BNC2: variants seen among roughly 807,000 people sequenced by gnomAD.
The protein encoded by BNC2 is basonuclin zinc finger protein 2.
A neutral mutation model predicts 76.3 loss-of-function variants in BNC2; 20 were observed. The observed-to-expected ratio is 0.26, with a 90% CI of 0.18 to 0.38. BNC2 has a LOEUF of 0.38. Among genes scored for constraint, BNC2 ranks in the 10% least tolerant of loss-of-function variants. The pLI, the probability that BNC2 is intolerant of heterozygous loss-of-function variation, is 1.00. For synonymous variants in BNC2, 582 were observed against 514.8 expected, an observed-to-expected ratio of 1.13 and a Z score of -1.77; for missense variants, 1,382 against 1,399.8, an observed-to-expected ratio of 0.99 and a Z score of 0.20.
At chr9:16,552,961 TCC>T (rs1818710714) in intron 4 of BNC2, among the ~76,000 whole-genome samples, 196 bp from the exon 5 acceptor site, 1 of 152,176 alleles carries the variant, frequency 6.6e-6, no homozygotes, top group African/African-American at 2.4e-5. Context: ...CCCTTTTCTT[TCC>T]TATTTTTTTA....
At chr9:16,662,148 A>C (rs1321719039) in intron 3 of BNC2, among the ~76,000 whole-genome samples, 3 of 152,258 alleles carry the variant, frequency 2.0e-5, no homozygotes, top group Non-Finnish European at 4.4e-5. Flanking sequence ...AGGGGAAAAC[A>C]TTCACATATT....
intron 1 of BNC2, among the ~76,000 whole-genome samples, chr9:16,741,037 G>T (rs1824833098): frequency 6.6e-6 from 1 of 152,110 alleles, no homozygotes; most frequent in South Asian, 2.1e-4. Flanking sequence ...GGGTCTAACA[G>T]GGTGCTCAAT....
At chr9:16,756,395 T>C (rs1306998277) in intron 1 of BNC2, among the ~76,000 whole-genome samples, 3 of 152,192 alleles carry the variant, frequency 2.0e-5, no homozygotes, top group Admixed American at 6.5e-5. Flanking sequence ...GGATCTATCC[T>C]CCATTCCTCT....
chr9:16,835,823 T>A (rs1818693598), intron 1 of BNC2, among the ~76,000 whole-genome samples: 1 of 152,146 alleles, frequency 6.6e-6, no homozygotes, highest in African/African-American at 2.4e-5. Context: ...AAAAACAGAT[T>A]TAAGTTAAAG....
intron 3 of BNC2, among the ~76,000 whole-genome samples, chr9:16,711,289 T>C (rs1361073): frequency 0.12 from 18,255 of 152,150 alleles, 1,423 homozygotes; most frequent in South Asian, 0.24. Flanking sequence ...GGGGCGGTTG[T>C]TACAAAGATC....
At chr9:16,799,482 T>C (rs1052969494) in intron 1 of BNC2, among the ~76,000 whole-genome samples, 1 of 152,122 alleles carries the variant, frequency 6.6e-6, no homozygotes, top group Non-Finnish European at 1.5e-5. Flanking sequence ...ACCTGGCTAA[T>C]TTTTGTATTT....
intron 1 of BNC2, 115 bp downstream of exon 1, chr9:16,870,531 C>T (rs1438454675): frequency 3.0e-5 from 38 of 1,258,802 alleles, no homozygotes; most frequent in Non-Finnish European, 3.3e-5. Flanking sequence ...TTGCCCCTCA[C>T]GCCGCGGGCC....
intron 3 of BNC2, among the ~76,000 whole-genome samples, chr9:16,717,191 A>C (rs532543100): frequency 6.6e-6 from 1 of 152,222 alleles, no homozygotes; most frequent in African/African-American, 2.4e-5. Flanking sequence ...TTTTCTTCAA[A>C]CCATTTCTTA....
chr9:16,796,241 C>T (rs1283242547), intron 1 of BNC2, among the ~76,000 whole-genome samples: 1 of 152,142 alleles, frequency 6.6e-6, no homozygotes, highest in African/African-American at 2.4e-5. Context: ...GTTTTACATC[C>T]ATTTCTTTTC....
chr9:16,690,975 G>C (rs1329792180), intron 3 of BNC2, among the ~76,000 whole-genome samples: 1 of 152,142 alleles, frequency 6.6e-6, no homozygotes, highest in Non-Finnish European at 1.5e-5. Flanking sequence ...CCAAAGAACA[G>C]TGCCCTGGGC....
At chr9:16,865,559 G>A (rs1276538921) in intron 1 of BNC2, among the ~76,000 whole-genome samples, 1 of 152,030 alleles carries the variant, frequency 6.6e-6, no homozygotes, top group Non-Finnish European at 1.5e-5. Context: ...ATTTTTTGGT[G>A]CCCTTCTCAC....
At chr9:16,792,039 T>C (rs926540747) in intron 1 of BNC2, among the ~76,000 whole-genome samples, 60 of 151,086 alleles carry the variant, frequency 4.0e-4, no homozygotes, top group African/African-American at 1.4e-3. Context: ...GAGACGGAAG[T>C]TGCAAGGAGC....
intron 5 of BNC2, among the ~76,000 whole-genome samples, chr9:16,454,449 TGCCACCAC>T (rs1258621823): frequency 1.3e-5 from 2 of 152,150 alleles, no homozygotes; most frequent in East Asian, 3.9e-4. Context: ...TACAGGCATG[TGCCACCAC>T]ACCCAGCTAA....
Position 16,413,904 on chromosome 9 carries a change from TAATG to T in BNC2, c.*5081_*5084del, listed in dbSNP as rs1820527755. The T allele has an allele frequency of 6.6e-6, 1 of 152,132 alleles. No individual in the cohort carries two copies. The highest frequency in any genetic ancestry group is 1.5e-5 in the Non-Finnish European group (1 of 68,026). 9.4% of individuals were successfully genotyped at this position (152,132 alleles called of 1,614,324 possible). A position where few individuals can be genotyped will look rare whatever the true frequency, so the allele number is the denominator to read the frequency against. The stretch of plus-strand genomic sequence containing the variant: ...GTGTTGCTACAGTGGCAAGCATGAG[TAATG>T]ATCAAGAAAGGAACGATCCATGCTG... On this transcript the variant is annotated 3_prime_UTR_variant, in exon 7 of 7. Coordinates refer to ENST00000380672, the MANE Select transcript of BNC2 (RefSeq NM_017637.6).
chr9:16,525,394 G>C (rs976210351), intron 5 of BNC2, among the ~76,000 whole-genome samples: 5 of 152,018 alleles, frequency 3.3e-5, no homozygotes, highest in African/African-American at 1.2e-4. Flanking sequence ...ACAAAAAGGT[G>C]CTAAAAATGA....
chr9:16,445,424 A>G (rs1187672516), intron 5 of BNC2, among the ~76,000 whole-genome samples: 1 of 152,090 alleles, frequency 6.6e-6, no homozygotes, highest in Non-Finnish European at 1.5e-5. Context: ...CAACTGTAAT[A>G]TTTGTAGGCA....
chr9:16,555,831 A>C (rs929988915), intron 4 of BNC2, among the ~76,000 whole-genome samples: 8 of 140,924 alleles, frequency 5.7e-5, no homozygotes, highest in African/African-American at 2.5e-4. Context: ...ACTGTTATAA[A>C]CCACATAAAT....
intron 5 of BNC2, among the ~76,000 whole-genome samples, chr9:16,517,747 T>C (rs1181718408): frequency 6.6e-6 from 1 of 152,174 alleles, no homozygotes; most frequent in Non-Finnish European, 1.5e-5. Context: ...AAAGGAAATA[T>C]GCCTGGGGTG....
chr9:16,674,109 T>C (rs1219867474), intron 3 of BNC2, among the ~76,000 whole-genome samples: 1 of 152,198 alleles, frequency 6.6e-6, no homozygotes, highest in Non-Finnish European at 1.5e-5. Context: ...GTTCATCTCA[T>C]TACAGCATCA....
Sources: allele counts gnomAD v4.1 joint callset (sites outside exome capture counted in the v4.1 genomes callset), GRCh38; gene constraint gnomAD v4.1.1; transcripts MANE v1.5; gene names NCBI Gene and HGNC (gene_info 2026-07-23, HGNC 2026-07-21).